Variants in DLG2 observed in about 807,000 individuals in gnomAD.
DLG2 encodes the protein discs large MAGUK scaffold protein 2, also known as disks large homolog 2.
A neutral mutation model predicts 132.5 loss-of-function variants in DLG2; 45 were observed. The observed-to-expected ratio is 0.34, with a 90% CI of 0.27 to 0.44. The LOEUF is 0.44. Among genes scored for constraint, DLG2 ranks in the 20% least tolerant of loss-of-function variants. The pLI is 1.00. For missense variants in DLG2, 1,045 were observed against 1,196.9 expected (o/e 0.87, Z 1.87); for synonymous variants, 424 against 419.6 (o/e 1.01, Z -0.13).
chr11:84,852,704 T>A (rs2082304018), intron 6 of DLG2, among the ~76,000 whole-genome samples: 1 of 151,990 alleles, frequency 6.6e-6, no homozygotes, highest in African/African-American at 2.4e-5. Context: ...ATATGTTTAT[T>A]GGGACAAATC....
At chr11:85,499,508 C>T (rs562409666) in intron 3 of DLG2, among the ~76,000 whole-genome samples, 15 of 152,144 alleles carry the variant, frequency 9.9e-5, no homozygotes, top group African/African-American at 3.6e-4. Context: ...CCAGATTCAA[C>T]CAGAGTTACA....
chr11:85,479,804 G>A (rs1318570699), intron 3 of DLG2, among the ~76,000 whole-genome samples: 2 of 152,192 alleles, frequency 1.3e-5, no homozygotes, highest in Non-Finnish European at 2.9e-5. Context: ...GTGAGGAAAG[G>A]ATCTGTGCCA....
Position 84,099,063 on chromosome 11 carries a change from G to A in DLG2, c.625-16C>T, listed in dbSNP as rs768582734. On this transcript the variant is annotated splice_polypyrimidine_tract_variant and intron_variant, in intron 9 of 27. Coordinates refer to ENST00000376104, the MANE Select transcript of DLG2 (RefSeq NM_001142699.3). ...CAGAATTCCCCTATAGAAACAAAAA[G>A]CAGATATTAAATGATGTGTCTGTCA... The A allele has an allele frequency of 1.9e-6, 3 of 1,611,034 alleles. No individual in the cohort carries two copies. Among genetic ancestry groups the A allele is most frequent in the African/African-American group, 1.3e-5 (1 of 74,830 alleles).
At chr11:84,553,686 T>C (rs1253285673) in intron 6 of DLG2, among the ~76,000 whole-genome samples, 1 of 152,222 alleles carries the variant, frequency 6.6e-6, no homozygotes, top group African/African-American at 2.4e-5. Context: ...AGATTTAAGA[T>C]GCTTAAAGGC....
At chr11:84,375,893 T>C (rs2098727129) in intron 7 of DLG2, among the ~76,000 whole-genome samples, 1 of 152,064 alleles carries the variant, frequency 6.6e-6, no homozygotes, top group Non-Finnish European at 1.5e-5. Flanking sequence ...CTTTCTTTTG[T>C]ATAACTTATT....
At chr11:84,410,247 C>T (rs2154457224) in intron 7 of DLG2, among the ~76,000 whole-genome samples, 1 of 152,246 alleles carries the variant, frequency 6.6e-6, no homozygotes, top group South Asian at 2.1e-4. Flanking sequence ...GATTAAATGA[C>T]ACTCCAAGTC....
At chr11:85,340,741 T>G (rs892895137) in intron 3 of DLG2, among the ~76,000 whole-genome samples, 1 of 152,234 alleles carries the variant, frequency 6.6e-6, no homozygotes, top group Non-Finnish European at 1.5e-5. Flanking sequence ...TAATTTTGTT[T>G]ATGGTGTTAG....
rs200865895 is a variant in DLG2 at position 84,572,047 on chromosome 11, A to ATT, written c.358-37318_358-37317dup. Among the ~76,000 whole-genome samples, 30 of 146,886 alleles carry ATT rather than the reference A, an allele frequency of 2.0e-4. No individual in the cohort carries two copies. In the South Asian group the frequency reaches 4.1e-3, roughly 20 times the overall value. On this transcript the variant is annotated intron_variant, in intron 6 of 27. Coordinates refer to ENST00000376104, the MANE Select transcript of DLG2 (RefSeq NM_001142699.3). The stretch of plus-strand genomic sequence containing the variant: ...CTCTGAGTCCTTAAGTGGATTCTAG[A>ATT]TTTTTTTTTTTTATTTTTGTAAATT...
chr11:85,107,878 G>A (rs1434579017), intron 6 of DLG2, among the ~76,000 whole-genome samples: 1 of 131,578 alleles, frequency 7.6e-6, no homozygotes, highest in East Asian at 2.4e-4. Flanking sequence ...TTTCTTTTCT[G>A]CTCAAACCCC....
At chr11:84,882,468 T>C (rs1296519726) in intron 6 of DLG2, among the ~76,000 whole-genome samples, 2 of 151,852 alleles carry the variant, frequency 1.3e-5, no homozygotes, top group Non-Finnish European at 2.9e-5. Context: ...ACTAGGAAAA[T>C]AAGGTTAAGA....
intron 18 of DLG2, among the ~76,000 whole-genome samples, chr11:83,689,651 A>G (rs990028657): frequency 6.6e-6 from 1 of 151,942 alleles, no homozygotes; most frequent in African/African-American, 2.4e-5. Flanking sequence ...TTCTCACACA[A>G]TGTACTTACA....
Position 85,594,578 on chromosome 11 carries a change from T to C in DLG2, c.40+4079A>G, listed in dbSNP as rs138168257. Among the ~76,000 whole-genome samples, 204 of 152,304 alleles carry C rather than the reference T, an allele frequency of 1.3e-3. 1 individual carries two copies. The highest frequency in any genetic ancestry group is 4.6e-3 in the African/African-American group (192 of 41,574). On this transcript the variant is annotated intron_variant, in intron 3 of 27. Coordinates refer to ENST00000376104, the MANE Select transcript of DLG2 (RefSeq NM_001142699.3). ...TGAAATCTGTGAAATATATCTATAG[T>C]TATTTCCATACTTTATAAGTAATGA...
At chr11:85,452,113 C>T (rs963413916) in intron 3 of DLG2, among the ~76,000 whole-genome samples, 1 of 151,816 alleles carries the variant, frequency 6.6e-6, no homozygotes, top group Non-Finnish European at 1.5e-5. Flanking sequence ...TTATATTTTA[C>T]ATAATATAAA....
At chr11:83,868,697 A>G (rs963112760) in intron 16 of DLG2, among the ~76,000 whole-genome samples, 3 of 151,962 alleles carry the variant, frequency 2.0e-5, no homozygotes, top group African/African-American at 7.3e-5. Context: ...CAGATTTTCG[A>G]CCAGCGACCC....
At chr11:83,698,302 G>C (rs2082273961) in intron 18 of DLG2, among the ~76,000 whole-genome samples, 1 of 152,196 alleles carries the variant, frequency 6.6e-6, no homozygotes, top group Non-Finnish European at 1.5e-5. Context: ...GAAATATATA[G>C]ATGATAGGTT....
chr11:84,532,810 T>C lies in DLG2; in HGVS notation c.519+1760A>G, dbSNP rs538197833. Among the ~76,000 whole-genome samples the C allele has an allele frequency of 3.4e-4, 51 of 152,208 alleles. 1 individual carries two copies. The highest frequency in any genetic ancestry group is 6.8e-3 in the Middle Eastern group (2 of 294). ...TGTGCTTGATCTATGGAGGTTCTTA[T>C]AGGGAGTTTTTCAACCAGTTTGAAA... On this transcript the variant is annotated intron_variant, in intron 7 of 27. Transcript: ENST00000376104.
In DLG2 at chr11:84,059,354, C is replaced by G; in HGVS notation, c.880G>C (p.Glu294Gln). 1 of 1,613,718 alleles carries G rather than the reference C, an allele frequency of 6.2e-7. No homozygotes were observed. The highest frequency in any genetic ancestry group is 8.5e-7 in the Non-Finnish European group (1 of 1,179,822). The change falls in exon 11 of 28, where the codon GAG becomes CAG. Residue 294 changes from glutamate to glutamine, a missense_variant. By Grantham distance (29) the Glu-to-Gln change is conservative. This residue lies in a region of DLG2 where 109 missense variants were observed against 159.1 expected (regional missense o/e 0.69). Coordinates refer to ENST00000376104, the MANE Select transcript of DLG2 (RefSeq NM_001142699.3). ...LYVRRRRPIL[E>Q]TVVEIKLFKG... The stretch of plus-strand genomic sequence containing the variant: ...AACAGTTTGATTTCCACAACGGTCT[C>G]CAAAATAGGTCGTCTTCTACGCACA...
chr11:84,015,359 A>G (rs879366177), intron 11 of DLG2, among the ~76,000 whole-genome samples: 3 of 152,052 alleles, frequency 2.0e-5, no homozygotes, highest in Admixed American at 6.6e-5. Context: ...AACCTTTTAC[A>G]TTTTTTTGTT....
intron 6 of DLG2, among the ~76,000 whole-genome samples, chr11:84,755,523 A>C (rs916904218): frequency 2.0e-5 from 3 of 152,186 alleles, no homozygotes; most frequent in African/African-American, 7.2e-5. Flanking sequence ...TCCCGGGTTC[A>C]AGACATTCTC....
Sources: allele counts gnomAD v4.1 joint callset (sites outside exome capture counted in the v4.1 genomes callset), GRCh38; gene constraint gnomAD v4.1.1; regional missense constraint gnomAD v4.1.1; transcripts MANE v1.5; gene names NCBI Gene and HGNC (gene_info 2026-07-23, HGNC 2026-07-21).